The following PSKH2 variants were observed in gnomAD, a reference collection of about 807,000 sequenced individuals.
PSKH2 encodes the protein protein serine kinase H2, also known as serine/threonine-protein kinase H2.
A neutral mutation model predicts 22.5 loss-of-function variants in PSKH2; 16 were observed. The ratio of observed to expected loss-of-function variants is 0.71; its 90% CI spans 0.48 to 1.08. The LOEUF is 1.08. PSKH2 is among the 50% of genes least tolerant of loss of function. The probability of loss-of-function intolerance (pLI) is 0.00; values close to 1 mark genes in which losing one functional copy is unlikely to be tolerated. For missense variants in PSKH2, 516 were observed against 492.8 expected (o/e 1.05, Z -0.44); for synonymous variants, 188 against 184.8 (o/e 1.02, Z -0.14).
chr8:86,051,439 T>C (rs971281100), intron 2 of PSKH2, among the ~76,000 whole-genome samples: 2 of 152,206 alleles, frequency 1.3e-5, no homozygotes, highest in Admixed American at 6.5e-5. Flanking sequence ...TTCTTTTTTT[T>C]CCTTCAGTGT....
chr8:86,049,245 C>T (rs892320591), intron 2 of PSKH2, among the ~76,000 whole-genome samples: 4 of 152,088 alleles, frequency 2.6e-5, no homozygotes, highest in Admixed American at 2.6e-4. Context: ...GAGAAATCAT[C>T]AACTTTTCCC....
rs776060310 is a variant in PSKH2, at chr8:86,064,672, A to T, written c.186-41T>A. On this transcript the variant is annotated intron_variant, in intron 1 of 2. Coordinates refer to ENST00000276616, the MANE Select transcript of PSKH2 (RefSeq NM_033126.3). ...ACCAAACATGTTATCCCCAGAAGTGATGATTCTCAAAATTATTTAAGTCCA... is the reference window on the plus strand; with the variant it reads ...ACCAAACATGTTATCCCCAGAAGTGTTGATTCTCAAAATTATTTAAGTCCA... 10 of 1,479,542 alleles carry T rather than the reference A, an allele frequency of 6.8e-6. No individual in the cohort carries two copies. The East Asian group carries it at 2.3e-4, about 34-fold the overall frequency. 91.7% of individuals were successfully genotyped at this position (1,479,542 alleles called of 1,614,324 possible). A position where few individuals can be genotyped will look rare whatever the true frequency, so the allele number is the denominator to read the frequency against.
chr8:86,061,162 C>T (rs1278236214), intron 2 of PSKH2, among the ~76,000 whole-genome samples: 1 of 152,088 alleles, frequency 6.6e-6, no homozygotes, highest in East Asian at 1.9e-4. Flanking sequence ...ATAAGGCCTA[C>T]CCTCTGTGGC....
Position 86,048,731 on chromosome 8 carries a change from T to C in PSKH2, c.889A>G (p.Ile297Val). Residue 297 changes from isoleucine to valine, a missense_variant, in exon 3 of 3, where the codon ATA becomes GTA. Coordinates refer to ENST00000276616, the MANE Select transcript of PSKH2 (RefSeq NM_033126.3). ...PSISHLAKDF[I>V]DKLLILEAGH... Reference sequence around the variant, plus strand: ...GCCTCCAAAATCAGTAGTTTGTCTATAAAGTCCTTCGCCAAGTGGGAAATG... The same window carrying C: ...GCCTCCAAAATCAGTAGTTTGTCTACAAAGTCCTTCGCCAAGTGGGAAATG... The C allele has an allele frequency of 2.5e-6, 4 of 1,613,098 alleles. No individual in the cohort carries two copies. The highest frequency in any genetic ancestry group is 1.3e-5 in the African/African-American group (1 of 75,006).
intron 2 of PSKH2, among the ~76,000 whole-genome samples, chr8:86,052,901 T>C (rs1408996178): frequency 2.6e-5 from 4 of 152,208 alleles, no homozygotes; most frequent in African/African-American, 9.7e-5. Context: ...TATTTTTCTG[T>C]CTTTTCCAAT....
chr8:86,067,102 G>A (rs1586067354), intron 1 of PSKH2, among the ~76,000 whole-genome samples: 1 of 152,058 alleles, frequency 6.6e-6, no homozygotes, highest in East Asian at 1.9e-4. Flanking sequence ...ACACGCTTTT[G>A]CTCAAATAAA....
Position 86,064,180 on chromosome 8 carries a change from T to G in PSKH2, c.637A>C (p.Lys213Gln). 6.2e-7 allele frequency: 1 copy of G among 1,614,198 alleles called. No homozygotes were observed. Among genetic ancestry groups the G allele is most frequent in the Middle Eastern group, 1.6e-4 (1 of 6,062 alleles). ...TDFGLAYSGK[K>Q]SGDWTMKTLC... ...GTCTTCATTGTCCAGTCACCACTTT[T>G]TTTCCCGGAGTATGCCAAACCAAAA... The change falls in exon 2 of 3, where the codon AAA (lysine) becomes CAA (glutamine). Residue 213 changes from lysine (K) to glutamine (Q), a missense_variant. Physicochemically the swap from Lys to Gln is moderately conservative, Grantham distance 53. Coordinates refer to ENST00000276616, the MANE Select transcript of PSKH2 (RefSeq NM_033126.3).
At chr8:86,065,355 G>A (rs958810623) in intron 1 of PSKH2, among the ~76,000 whole-genome samples, 5 of 152,150 alleles carry the variant, frequency 3.3e-5, no homozygotes, top group African/African-American at 7.2e-5. Context: ...TATAAGAGCC[G>A]GTTTCAGCAG....
In PSKH2 at chr8:86,064,002, C is replaced by T. The variant is rs747926637; in HGVS notation, c.815G>A (p.Arg272Lys). The T allele has an allele frequency of 6.2e-7, 1 of 1,613,508 alleles. No homozygotes were observed. The highest frequency in any genetic ancestry group is 8.5e-7 in the Non-Finnish European group (1 of 1,179,812). The stretch of plus-strand genomic sequence containing the variant: ...ATTATATTTGCCTTTCAGAATCTTC[C>T]TGTAAAGCCTTGTCTGGCTTTCATC... ...FDDESQTRLY[R>K]KILKGKYNYT... The change falls in exon 2 of 3, where the codon AGG (arginine) becomes AAG (lysine). Residue 272 changes from arginine (R) to lysine (K), a missense_variant. Transcript: ENST00000276616.
At chr8:86,048,892 G>A (rs1586055507) in intron 2 of PSKH2, 125 bp from the exon 3 acceptor site, 1 of 835,864 alleles carries the variant, frequency 1.2e-6, no homozygotes. Flanking sequence ...TTTCAAATAA[G>A]CAGTTTTAAT....
intron 1 of PSKH2, chr8:86,066,342 G>A (rs1220301637): frequency 6.6e-6 from 1 of 151,932 alleles, no homozygotes; most frequent in Non-Finnish European, 1.5e-5. Flanking sequence ...TGAGATTACA[G>A]GTGCACACCA....
At chr8:86,048,926 G>A (rs1215329159) in intron 2 of PSKH2, among the ~76,000 whole-genome samples, 159 bp from the exon 3 acceptor site, 3 of 151,936 alleles carry the variant, frequency 2.0e-5, no homozygotes, top group African/African-American at 7.3e-5. Flanking sequence ...ATATATAGAG[G>A]AACTAAACCA....
chr8:86,056,561 G>T (rs1340219647), intron 2 of PSKH2, among the ~76,000 whole-genome samples: 2 of 152,064 alleles, frequency 1.3e-5, no homozygotes, highest in Admixed American at 6.5e-5. Context: ...GATAAATGAA[G>T]TTTGTACTGC....
intron 1 of PSKH2, among the ~76,000 whole-genome samples, chr8:86,065,877 G>A (rs1012948277): frequency 6.6e-6 from 1 of 152,116 alleles, no homozygotes; most frequent in Non-Finnish European, 1.5e-5. Flanking sequence ...GACTGAAGCA[G>A]GAGGATCCCT....
intron 2 of PSKH2, among the ~76,000 whole-genome samples, chr8:86,061,880 A>G (rs1817781479): frequency 6.6e-6 from 1 of 152,244 alleles, no homozygotes; most frequent in Non-Finnish European, 1.5e-5. Context: ...TTCATGAGTC[A>G]TAAAAAAGTG....
chr8:86,061,598 G>T (rs1373990365), intron 2 of PSKH2, among the ~76,000 whole-genome samples: 1 of 152,168 alleles, frequency 6.6e-6, no homozygotes, highest in Non-Finnish European at 1.5e-5. Context: ...CAGCTGTCAT[G>T]TAAGAAATCT....
rs772275785 is a variant in PSKH2, at chr8:86,048,685, C to A, written c.935G>T (p.Gly312Val). Residue 312 changes from glycine (G) to valine (V), a missense_variant, in exon 3 of 3, where the codon GGC becomes GTC. By Grantham distance (109) the Gly-to-Val change is moderately radical. Coordinates refer to ENST00000276616, the MANE Select transcript of PSKH2 (RefSeq NM_033126.3). ...CACCCAGGGATGGTCCAGGGCCTGG[C>A]CAGCTGACATGCGATGACCAGCCTC... is the stretch of plus-strand genomic sequence containing the variant. ...ILEAGHRMSA[G>V]QALDHPWVIT... The A allele has an allele frequency of 6.2e-7, 1 of 1,613,932 alleles. No individual in the cohort carries two copies. Among genetic ancestry groups the A allele is most frequent in the East Asian group, 2.2e-5 (1 of 44,884 alleles).
rs1016917793 is a variant in PSKH2 at position 86,048,123 on chromosome 8, A to C, written c.*339T>G. ...TTCCCCATATCTAACTATTCCTGCT[A>C]TGTCTCTGGTTCACCATGCCTTCAC... On this transcript the variant is annotated 3_prime_UTR_variant, in exon 3 of 3. Coordinates refer to ENST00000276616, the MANE Select transcript of PSKH2 (RefSeq NM_033126.3). 6.6e-6 allele frequency among the ~76,000 whole-genome samples: 1 copy of C among 152,176 alleles called. No homozygotes were observed. Among genetic ancestry groups the C allele is most frequent in the African/African-American group, 2.4e-5 (1 of 41,438 alleles).
intron 1 of PSKH2, among the ~76,000 whole-genome samples, chr8:86,065,718 A>T (rs541241628): frequency 6.6e-6 from 1 of 152,258 alleles, no homozygotes; most frequent in East Asian, 1.9e-4. Flanking sequence ...TCATCGTGTA[A>T]TCCCAGCACT....
Sources: gnomAD v4.1 joint callset for allele counts (sites outside exome capture counted in the v4.1 genomes callset) on GRCh38, gnomAD v4.1.1 for gene constraint, MANE v1.5 for transcripts, NCBI Gene and HGNC (gene_info 2026-07-23, HGNC 2026-07-21) for gene names.